Variants in GPHN observed in about 807,000 individuals in gnomAD.
GPHN encodes the protein gephyrin.
Under a neutral mutation model 95.5 loss-of-function variants are expected in GPHN, and 17 were observed. The ratio of observed to expected loss-of-function variants is 0.18; its 90% CI spans 0.12 to 0.27. The LOEUF (loss-of-function observed/expected upper bound fraction) is 0.27, where lower values mean the gene tolerates loss of function less well. Among genes scored for constraint, GPHN ranks in the 10% least tolerant of loss-of-function variants. GPHN has a pLI of 1.00. For missense variants in GPHN, 660 were observed against 978.1 expected, an observed-to-expected ratio of 0.67 and a Z score of 4.34; for synonymous variants, 320 against 322.5, an observed-to-expected ratio of 0.99 and a Z score of 0.08.
At chr14:66,747,294 C>A (rs1039688998) in intron 2 of GPHN, among the ~76,000 whole-genome samples, 1 of 152,054 alleles carries the variant, frequency 6.6e-6, no homozygotes, top group African/African-American at 2.4e-5. Context: ...ATTGTTGATA[C>A]AATTGTCAGG....
At chr14:67,586,648 T>G in the GPHN span, 1 of 448,640 alleles carries the variant, frequency 2.2e-6, no homozygotes, top group Non-Finnish European at 3.8e-6. Flanking sequence ...AAGTTCTGAT[T>G]TATTGTTCCT....
chr14:66,686,490 G>A (rs1385463585), intron 2 of GPHN, among the ~76,000 whole-genome samples: 1 of 152,070 alleles, frequency 6.6e-6, no homozygotes, highest in Non-Finnish European at 1.5e-5. Flanking sequence ...GGATTCCTAG[G>A]TATTTTATTC....
chr14:67,158,037 T>C lies in GPHN; in HGVS notation c.1837-1378T>C, dbSNP rs2081714979. Among the ~76,000 whole-genome samples, 3 of 152,092 alleles carry C rather than the reference T, an allele frequency of 2.0e-5. No individual in the cohort carries two copies. The South Asian group carries it at 6.2e-4, about 32-fold the overall frequency. On this transcript the variant is annotated intron_variant, in intron 18 of 22. Coordinates refer to ENST00000478722, the MANE Select transcript of GPHN (RefSeq NM_020806.5). The stretch of plus-strand genomic sequence containing the variant: ...TAAAAGATGATATGGCCTGGTGCAG[T>C]GGTTCACGCCTGTAATCCCAGCACT...
chr14:67,217,271 T>C, the GPHN span, among the ~76,000 whole-genome samples: 1 of 152,170 alleles, frequency 6.6e-6, no homozygotes, highest in Non-Finnish European at 1.5e-5. Context: ...CTTGTTTCAT[T>C]TCTTCACTTT....
chr14:67,536,988 C>G, the GPHN span, among the ~76,000 whole-genome samples: 3 of 150,276 alleles, frequency 2.0e-5, no homozygotes, highest in Admixed American at 6.6e-5. Flanking sequence ...TGCAGTGAGC[C>G]GAGATTGCAC....
At chr14:66,533,193 G>A (rs1045046972) in intron 1 of GPHN, among the ~76,000 whole-genome samples, 1 of 152,124 alleles carries the variant, frequency 6.6e-6, no homozygotes, top group Non-Finnish European at 1.5e-5. Context: ...TGTTCTACTG[G>A]TGTGTAAGCA....
the GPHN span, chr14:67,727,080 T>G: frequency 6.2e-7 from 1 of 1,614,130 alleles, no homozygotes. Context: ...ATTGGCAAGA[T>G]TCCCTTCCAC....
At chr14:66,887,457 C>T (rs371198369) in intron 5 of GPHN, among the ~76,000 whole-genome samples, 7 of 152,128 alleles carry the variant, frequency 4.6e-5, no homozygotes, top group Non-Finnish European at 7.3e-5. Context: ...CATGGTGCCA[C>T]GTGCCTATAG....
chr14:67,477,350 C>T, the GPHN span, among the ~76,000 whole-genome samples: 4 of 152,134 alleles, frequency 2.6e-5, no homozygotes, highest in South Asian at 4.2e-4. Flanking sequence ...TTCTGTTAGG[C>T]GTGCCTTTCT....
chr14:67,338,577 T>C, the GPHN span: 1 of 1,582,842 alleles, frequency 6.3e-7, no homozygotes, highest in Non-Finnish European at 8.6e-7. Context: ...TGAATTAAAA[T>C]GAAGCCAGTG....
At chr14:66,548,715 GAC>G (rs2140151852) in intron 1 of GPHN, among the ~76,000 whole-genome samples, 1 of 152,280 alleles carries the variant, frequency 6.6e-6, no homozygotes, top group East Asian at 1.9e-4. Flanking sequence ...TTTAATGTGA[GAC>G]ACATCCCTCA....
At chr14:67,243,556 A>G in the GPHN span, among the ~76,000 whole-genome samples, 1 of 139,632 alleles carries the variant, frequency 7.2e-6, no homozygotes, top group South Asian at 2.3e-4. Context: ...GCAGTGGCGC[A>G]ATCTCGGCTC....
chr14:67,603,067 G>GTTTGTTTTGT, the GPHN span, among the ~76,000 whole-genome samples: 143,330 of 151,580 alleles, frequency 0.95, 67,901 homozygotes, highest in East Asian at 0.99. Context: ...TTTCTTTCTG[G>GTTTGTTTTGT]TTTGTTTTGT....
the GPHN span, chr14:67,593,621 A>G: frequency 9.7e-6 from 6 of 617,468 alleles, no homozygotes; most frequent in East Asian, 1.6e-4. Flanking sequence ...CTTTAAAAAT[A>G]AAGAGATTTA....
intron 2 of GPHN, among the ~76,000 whole-genome samples, chr14:66,773,526 G>A (rs1408491114): frequency 6.6e-6 from 1 of 151,780 alleles, no homozygotes; most frequent in African/African-American, 2.4e-5. Flanking sequence ...GCTAATTTTT[G>A]TATTTTTAGT....
chr14:67,384,110 CTATT>C, the GPHN span: 1 of 152,840 alleles, frequency 6.5e-6, no homozygotes, highest in African/African-American at 2.4e-5. Flanking sequence ...TGCCTTTTAT[CTATT>C]TGAGATTGAT....
intron 4 of GPHN, among the ~76,000 whole-genome samples, chr14:66,873,408 G>A (rs1008591845): frequency 6.6e-6 from 1 of 152,160 alleles, no homozygotes; most frequent in African/African-American, 2.4e-5. Context: ...ATGCCAGTGA[G>A]ACAAACTGTT....
chr14:66,908,106 A>G (rs2065475220), intron 5 of GPHN, among the ~76,000 whole-genome samples: 2 of 152,140 alleles, frequency 1.3e-5, no homozygotes, highest in African/African-American at 2.4e-5. Flanking sequence ...TAAATGACAT[A>G]TCAATATGAA....
the GPHN span, among the ~76,000 whole-genome samples, chr14:67,255,708 T>G: frequency 3.3e-5 from 5 of 152,144 alleles, no homozygotes; most frequent in Non-Finnish European, 1.5e-5. Flanking sequence ...TGAGATGGAG[T>G]CTCGCTCTGT....
Sources: gnomAD v4.1 joint callset for allele counts (sites outside exome capture counted in the v4.1 genomes callset) on GRCh38, gnomAD v4.1.1 for gene constraint, MANE v1.5 for transcripts, NCBI Gene and HGNC (gene_info 2026-07-23, HGNC 2026-07-21) for gene names.